MEGF6: variants seen among roughly 807,000 people sequenced by gnomAD.
The protein encoded by MEGF6 is multiple epidermal growth factor-like domains protein 6.
A neutral mutation model predicts 207.1 loss-of-function variants in MEGF6; 184 were observed. The ratio of observed to expected loss-of-function variants is 0.89; its 90% CI spans 0.79 to 1.00. The LOEUF is 1.00. Among genes scored for constraint, MEGF6 ranks in the 50% least tolerant of loss-of-function variants. The probability of loss-of-function intolerance (pLI) is 0.00; values close to 1 mark genes in which losing one functional copy is unlikely to be tolerated. For missense variants in MEGF6, 2,282 were observed against 2,202.9 expected (o/e 1.04, Z -0.72); for synonymous variants, 1,038 against 910.0 (o/e 1.14, Z -2.53).
rs543462003 is a variant in MEGF6, at chr1:3,606,311, G to A, written c.132-3711C>T. On this transcript the variant is annotated intron_variant, in intron 1 of 36. Coordinates refer to ENST00000356575, the MANE Select transcript of MEGF6 (RefSeq NM_001409.4). ...CTGGGGGTGGGGCCCAGCATTCCTC[G>A]GGGTGGGAAGGATTGCGTGTGTTTG... Among the ~76,000 whole-genome samples, 5 of 152,290 alleles carry A rather than the reference G, an allele frequency of 3.3e-5. No individual in the cohort carries two copies. In the East Asian group the frequency reaches 7.7e-4, roughly 24 times the overall value.
intron 4 of MEGF6, among the ~76,000 whole-genome samples, chr1:3,543,523 G>A (rs115172325): frequency 7.2e-5 from 11 of 152,318 alleles, no homozygotes; most frequent in Admixed American, 1.3e-4. Context: ...ACGGTGACTC[G>A]GAGCCCTAGC....
intron 1 of MEGF6, among the ~76,000 whole-genome samples, chr1:3,603,460 G>A (rs960502132): frequency 1.3e-5 from 2 of 152,124 alleles, no homozygotes; most frequent in African/African-American, 2.4e-5. Flanking sequence ...TCCAGTGCTC[G>A]TGTCCCACTA....
intron 4 of MEGF6, among the ~76,000 whole-genome samples, chr1:3,579,414 C>A (rs1643736712): frequency 6.6e-6 from 1 of 152,212 alleles, no homozygotes; most frequent in Admixed American, 6.5e-5. Flanking sequence ...CAACCAGTCG[C>A]CTTGGCTAAG....
chr1:3,560,786 T>C lies in MEGF6; in HGVS notation c.481+19039A>G. ...CTGGATTTCCAGGGTCACCCGGCAG[T>C]CCCCTCTGGCAGCCACCGGAGCAGC... On this transcript the variant is annotated intron_variant, in intron 4 of 36. Coordinates refer to ENST00000356575, the MANE Select transcript of MEGF6 (RefSeq NM_001409.4). The surrounding 1 kb of genome is among the most constrained non-coding windows in gnomAD (Gnocchi z 4.0). 2.1e-6 allele frequency: 1 copy of C among 472,862 alleles called. No homozygotes were observed. The allele number at this position is 472,862 out of a possible 1,614,324, so 29.3% of individuals were successfully genotyped here.
intron 3 of MEGF6, among the ~76,000 whole-genome samples, chr1:3,583,032 C>T (rs1467084473): frequency 2.6e-5 from 4 of 152,198 alleles, no homozygotes; most frequent in East Asian, 1.9e-4. Flanking sequence ...AACAAACCAC[C>T]GCATGGCCAG....
chr1:3,575,505 C>T (rs971006903), intron 4 of MEGF6, among the ~76,000 whole-genome samples: 11 of 152,134 alleles, frequency 7.2e-5, no homozygotes, highest in Non-Finnish European at 1.0e-4. Flanking sequence ...GGTATTAGTC[C>T]GTTTTCCAAC....
rs1418672407 is a variant in MEGF6, at chr1:3,496,743, C to T, written c.3654G>A (p.Leu1218=). 6 of 1,559,164 alleles carry T rather than the reference C, an allele frequency of 3.8e-6. No individual in the cohort carries two copies. Among genetic ancestry groups the T allele is most frequent in the Non-Finnish European group, 5.2e-6 (6 of 1,152,168 alleles). Residue 1218 remains leucine, a synonymous_variant, in exon 29 of 37, where the codon CTG becomes CTA. Transcript: ENST00000356575. The part of the protein sequence containing the change: ...PGRYGPGCEQ[L]CGCLNGGSCD... ...AGGAGCCCCCGTTGAGACACCCACA[C>T]AGCTGTTCACAGCCTGGCCCATACC... is the stretch of plus-strand genomic sequence containing the variant.
chr1:3,569,156 C>T (rs1344882103), intron 4 of MEGF6, among the ~76,000 whole-genome samples: 1 of 152,258 alleles, frequency 6.6e-6, no homozygotes, highest in Non-Finnish European at 1.5e-5. Context: ...ACCCCCGCCA[C>T]CAGCCGCCTG....
chr1:3,531,385 C>T, intron 4 of MEGF6: 7 of 1,164,730 alleles, frequency 6.0e-6, no homozygotes, highest in Non-Finnish European at 7.4e-6. Flanking sequence ...GGATCCGCTC[C>T]GCTCGGCGCC....
At chr1:3,585,012 G>A (rs575508924) in intron 3 of MEGF6, among the ~76,000 whole-genome samples, 5 of 152,404 alleles carry the variant, frequency 3.3e-5, no homozygotes, top group South Asian at 2.1e-4. Flanking sequence ...ATGAATGGGA[G>A]CAGGTGTAGG....
At chr1:3,595,544 G>T in intron 2 of MEGF6, 97 bp from the exon 3 acceptor site, 1 of 1,040,222 alleles carries the variant, frequency 9.6e-7, no homozygotes, top group Non-Finnish European at 1.5e-6. Flanking sequence ...GCGTCAGCCG[G>T]GTTCCCGGCG....
At chr1:3,530,689 G>C (rs548898650) in intron 4 of MEGF6, among the ~76,000 whole-genome samples, 4 of 152,224 alleles carry the variant, frequency 2.6e-5, no homozygotes, top group Non-Finnish European at 5.9e-5. Context: ...CTGAGCTCTG[G>C]AGACCCCGGA....
intron 29 of MEGF6, 35 bp downstream of exon 29, chr1:3,496,620 G>A (rs951212916): frequency 1.9e-6 from 3 of 1,563,108 alleles, no homozygotes; most frequent in Non-Finnish European, 2.6e-6. Flanking sequence ...AGACACAGGA[G>A]GCGCCACTCA....
At chr1:3,584,147 G>A (rs1372425811) in intron 3 of MEGF6, among the ~76,000 whole-genome samples, 2 of 152,270 alleles carry the variant, frequency 1.3e-5, no homozygotes, top group Non-Finnish European at 2.9e-5. Context: ...AGGACGGCAG[G>A]TTTGGGGAGG....
intron 8 of MEGF6, 34 bp downstream of exon 8, chr1:3,511,972 G>T: frequency 6.2e-7 from 1 of 1,611,112 alleles, no homozygotes; most frequent in South Asian, 1.1e-5. Context: ...GGCCATCCCG[G>T]GCACCTTCAG....
At chr1:3,499,058 G>C (rs1212659093) in intron 24 of MEGF6, 80 bp downstream of exon 24, 1 of 1,543,874 alleles carries the variant, frequency 6.5e-7, no homozygotes, top group Non-Finnish European at 8.7e-7. Context: ...CAGGCACCAA[G>C]TGTCCTGTGG....
At chr1:3,612,931 G>C (rs988296895), upstream of MEGF6, among the ~76,000 whole-genome samples, 1 of 152,176 alleles carries the variant, frequency 6.6e-6, no homozygotes, top group Non-Finnish European at 1.5e-5. Flanking sequence ...GGTCACAGGA[G>C]GGGGAGCACC....
chr1:3,612,823 CTG>C (rs1183905670), upstream of MEGF6, among the ~76,000 whole-genome samples: 3 of 152,186 alleles, frequency 2.0e-5, no homozygotes, highest in Non-Finnish European at 4.4e-5. Flanking sequence ...CACAGGCTGT[CTG>C]TGCCTCCACA....
intron 15 of MEGF6, 129 bp downstream of exon 15, chr1:3,505,979 C>T (rs1382815256): frequency 3.1e-5 from 40 of 1,278,580 alleles, no homozygotes; most frequent in Non-Finnish European, 3.8e-5. Context: ...CCCAGACCTA[C>T]ATCCCAGTGG....
Sources: allele counts gnomAD v4.1 joint callset (sites outside exome capture counted in the v4.1 genomes callset), GRCh38; gene constraint gnomAD v4.1.1; non-coding constraint Gnocchi (gnomAD v3.1); transcripts MANE v1.5; gene names NCBI Gene and HGNC (gene_info 2026-07-23, HGNC 2026-07-21).